Variants in SLC22A24 observed in about 807,000 individuals in gnomAD.
SLC22A24 encodes the protein steroid transmembrane transporter SLC22A24.
SLC22A24 carries 53 observed loss-of-function variants against 49.8 expected under a neutral mutation model. The ratio of observed to expected loss-of-function variants is 1.06; its 90% CI spans 0.85 to 1.34. The LOEUF (loss-of-function observed/expected upper bound fraction) is 1.34, where lower values mean the gene tolerates loss of function less well. SLC22A24 is among the 40% of genes most tolerant of loss of function. The pLI is 0.00. For synonymous variants in SLC22A24, 302 were observed against 256.4 expected, an observed-to-expected ratio of 1.18 and a Z score of -1.70; for missense variants, 786 against 675.9, an observed-to-expected ratio of 1.16 and a Z score of -1.81.
At chr11:63,117,554 G>A (rs979541556) in intron 4 of SLC22A24, among the ~76,000 whole-genome samples, 1 of 152,066 alleles carries the variant, frequency 6.6e-6, no homozygotes, top group Non-Finnish European at 1.5e-5. Context: ...TGCCACCCCT[G>A]AGATGGCAAG....
intron 5 of SLC22A24, among the ~76,000 whole-genome samples, chr11:63,098,924 G>C (rs1043607031): frequency 9.9e-5 from 15 of 151,970 alleles, no homozygotes; most frequent in Non-Finnish European, 1.6e-4. Context: ...AAATGAAAAA[G>C]GTGACATTAC....
At position 63,136,395 on chromosome 11, in the gene SLC22A24, G is replaced by C. The variant is rs920337061; in HGVS notation, c.403-1627C>G. Among the ~76,000 whole-genome samples the C allele has an allele frequency of 2.6e-5, 4 of 152,104 alleles. No individual in the cohort carries two copies. In the East Asian group the frequency reaches 5.8e-4, roughly 22 times the overall value. The stretch of plus-strand genomic sequence containing the variant: ...AACTGCAACACCTGCAACTGGCACT[G>C]GTCAATAAAAAGGGCCCAATTCTTC... On this transcript the variant is annotated intron_variant, in intron 1 of 9. Transcript: ENST00000612278.
intron 2 of SLC22A24, among the ~76,000 whole-genome samples, chr11:63,124,861 C>A (rs1003188480): frequency 6.6e-6 from 1 of 151,662 alleles, no homozygotes; most frequent in Non-Finnish European, 1.5e-5. Flanking sequence ...GGACAAAAAA[C>A]CAAACAACGC....
intron 2 of SLC22A24, among the ~76,000 whole-genome samples, chr11:63,122,769 C>G (rs2087261134): frequency 6.6e-6 from 1 of 152,104 alleles, no homozygotes; most frequent in Non-Finnish European, 1.5e-5. Context: ...ATCCGCTAGC[C>G]TCGGCCTCCC....
chr11:63,080,067 C>CAT, intron 9 of SLC22A24, 67 bp from the exon 10 acceptor site: 2 of 1,032,772 alleles, frequency 1.9e-6, no homozygotes, highest in Non-Finnish European at 2.9e-6. Flanking sequence ...ATAGATTAAG[C>CAT]ATATATATAC....
Position 63,110,928 on chromosome 11 carries a change from G to A in SLC22A24, c.831-6630C>T, listed in dbSNP as rs1010450043. 9.3e-3 allele frequency among the ~76,000 whole-genome samples: 1,412 copies of A among 151,632 alleles called. 29 individuals are homozygous for A. The highest frequency in any genetic ancestry group is 0.032 in the African/African-American group (1,343 of 41,368). ...GAGAGGGCATCCCTGTCTTGTGCCAGTTTTCAAAGGGAATGCTTCCAGTTT... is the reference window on the plus strand; with the variant it reads ...GAGAGGGCATCCCTGTCTTGTGCCAATTTTCAAAGGGAATGCTTCCAGTTT... On this transcript the variant is annotated intron_variant, in intron 4 of 9. Coordinates refer to ENST00000612278, the MANE Select transcript of SLC22A24 (RefSeq NM_001136506.2).
intron 6 of SLC22A24, among the ~76,000 whole-genome samples, chr11:63,087,702 T>C (rs2086995823): frequency 6.6e-6 from 1 of 152,158 alleles, no homozygotes; most frequent in Admixed American, 6.5e-5. Flanking sequence ...GCCAGCGCAG[T>C]AGTCTGAAGC....
chr11:63,134,079 A>G (rs539596189), intron 2 of SLC22A24, among the ~76,000 whole-genome samples: 30 of 152,354 alleles, frequency 2.0e-4, no homozygotes, highest in African/African-American at 6.7e-4. Context: ...CACAAGGATC[A>G]GCATCCAGGT....
At chr11:63,089,941 C>A (rs571334625) in intron 6 of SLC22A24, among the ~76,000 whole-genome samples, 1 of 151,532 alleles carries the variant, frequency 6.6e-6, no homozygotes, top group Non-Finnish European at 1.5e-5. Context: ...ATTAGCCAGG[C>A]GTGGTGGTGG....
chr11:63,133,128 C>T lies in SLC22A24; in HGVS notation c.506+1537G>A, dbSNP rs146667496. On this transcript the variant is annotated intron_variant, in intron 2 of 9. Coordinates refer to ENST00000612278, the MANE Select transcript of SLC22A24 (RefSeq NM_001136506.2). The stretch of plus-strand genomic sequence containing the variant: ...CATGGGACCCACCGAGCCAGGCATG[C>T]GAGGGAATCTCCTGATCTGCAGGTT... Among the ~76,000 whole-genome samples, 367 of 152,276 alleles carry T rather than the reference C, an allele frequency of 2.4e-3. 2 individuals are homozygous for T. Among genetic ancestry groups the T allele is most frequent in the African/African-American group, 8.5e-3 (355 of 41,546 alleles).
chr11:63,083,329 A>C lies in SLC22A24; in HGVS notation c.1199T>G (p.Leu400Arg), dbSNP rs771160929. The change falls in exon 7 of 10, where the codon CTG becomes CGG. Residue 400 changes from leucine (L) to arginine (R), a missense_variant. By Grantham distance (102) the Leu-to-Arg change is moderately radical. Coordinates refer to ENST00000612278, the MANE Select transcript of SLC22A24 (RefSeq NM_001136506.2). ...FTARCVSLLT[L>R]NHMGRRISQI... ...GCTTATTCGACGACCCATATGATTC[A>C]GTGTCAAAAGGGAAACACATCTGGC... 14 of 1,558,600 alleles carry C rather than the reference A, an allele frequency of 9.0e-6. No homozygotes were observed. Among genetic ancestry groups the C allele is most frequent in the Middle Eastern group, 3.3e-4 (2 of 6,018 alleles).
chr11:63,081,770 T>A (rs963463359), intron 7 of SLC22A24, 104 bp from the exon 8 acceptor site: 1 of 756,254 alleles, frequency 1.3e-6, no homozygotes, highest in Non-Finnish European at 2.3e-6. Context: ...GTGTGAAATA[T>A]GTGGTAGACA....
At chr11:63,142,464 T>C (rs1450256908) in intron 1 of SLC22A24, among the ~76,000 whole-genome samples, 4 of 152,220 alleles carry the variant, frequency 2.6e-5, no homozygotes, top group Non-Finnish European at 4.4e-5. Context: ...TAGGCTGAAC[T>C]AACTTTGGGA....
chr11:63,083,772 T>A (rs936487398), intron 6 of SLC22A24, among the ~76,000 whole-genome samples: 2 of 152,118 alleles, frequency 1.3e-5, no homozygotes, highest in African/African-American at 4.8e-5. Flanking sequence ...AACCTACCCA[T>A]GTAGAAAAAG....
intron 4 of SLC22A24, among the ~76,000 whole-genome samples, chr11:63,106,289 T>C (rs948740937): frequency 6.6e-6 from 1 of 152,192 alleles, no homozygotes; most frequent in Non-Finnish European, 1.5e-5. Context: ...TGCATTGTAT[T>C]TCATGGTGTA....
chr11:63,097,206 A>G (rs2087060069), intron 5 of SLC22A24, among the ~76,000 whole-genome samples: 1 of 141,600 alleles, frequency 7.1e-6, no homozygotes, highest in Non-Finnish European at 1.5e-5. Flanking sequence ...TCCAGAATCT[A>G]CAAGGAACTT....
Position 63,118,988 on chromosome 11 carries a change from C to G in SLC22A24, c.754G>C (p.Ala252Pro). The change falls in exon 4 of 10, where the codon GCT (alanine) becomes CCT (proline). Residue 252 changes from alanine (A) to proline (P), a missense_variant. Coordinates refer to ENST00000612278, the MANE Select transcript of SLC22A24 (RefSeq NM_001136506.2). ...ATGTGCCAGTCCTGAATGGCAAAAG[C>G]CAGCCCTCCTAGGAGCATCTGCCCA... Reference protein sequence around the residue: ...SVGQMLLGGLAFAIQDWHILQ... With the variant: ...SVGQMLLGGLPFAIQDWHILQ... 6.4e-7 allele frequency: 1 copy of G among 1,551,802 alleles called. No individual in the cohort carries two copies. The highest frequency in any genetic ancestry group is 2.4e-5 in the East Asian group (1 of 40,916).
chr11:63,120,115 CTT>C (rs1462265641), intron 2 of SLC22A24, among the ~76,000 whole-genome samples: 1 of 150,992 alleles, frequency 6.6e-6, no homozygotes, highest in African/African-American at 2.4e-5. Context: ...TGCAGAAGCT[CTT>C]TAGTTTAATT....
At chr11:63,099,054 T>C (rs1296162563) in intron 5 of SLC22A24, among the ~76,000 whole-genome samples, 1 of 152,080 alleles carries the variant, frequency 6.6e-6, no homozygotes, top group African/African-American at 2.4e-5. Context: ...CTTATCAAGA[T>C]TGAACCATGA....
Sources: gnomAD v4.1 joint callset for allele counts (sites outside exome capture counted in the v4.1 genomes callset) on GRCh38, gnomAD v4.1.1 for gene constraint, MANE v1.5 for transcripts, NCBI Gene and HGNC (gene_info 2026-07-23, HGNC 2026-07-21) for gene names.